The following FHDC1 variants were observed in gnomAD, a reference collection of about 807,000 sequenced individuals.
The protein encoded by FHDC1 is FH2 domain containing 1.
In FHDC1, 25 loss-of-function variants were observed where a neutral mutation model predicts 52.6. The observed-to-expected ratio is 0.48, with a 90% confidence interval of 0.35 to 0.66. FHDC1 has a LOEUF of 0.66. Among genes scored for constraint, FHDC1 ranks in the 30% least tolerant of loss-of-function variants. The pLI is 0.01. For missense variants in FHDC1, 1,459 were observed against 1,452.8 expected, an observed-to-expected ratio of 1.00 and a Z score of -0.07; for synonymous variants, 616 against 581.5, an observed-to-expected ratio of 1.06 and a Z score of -0.85.
At chr4:152,956,509 C>A (rs1459092134) in intron 4 of FHDC1, among the ~76,000 whole-genome samples, 1 of 152,136 alleles carries the variant, frequency 6.6e-6, no homozygotes, top group East Asian at 1.9e-4. Flanking sequence ...GCTGTCAAAC[C>A]TCATATTTAA....
At chr4:152,951,206 G>A (rs1474022828) in intron 2 of FHDC1, among the ~76,000 whole-genome samples, 1 of 152,242 alleles carries the variant, frequency 6.6e-6, no homozygotes. Context: ...TGAACGTGCT[G>A]TGTAACTATA....
chr4:152,939,550 T>C lies in FHDC1; in HGVS notation c.-131+3141T>C, dbSNP rs146999966. 2.4e-3 allele frequency among the ~76,000 whole-genome samples: 361 copies of C among 152,266 alleles called. 2 individuals are homozygous for C. The highest frequency in any genetic ancestry group is 8.2e-3 in the African/African-American group (341 of 41,550). ...CTTTGAAGACCCTTAACGAACGTTC[T>C]AAGATTTTTTGTCTGCCAATTAACT... is the stretch of plus-strand genomic sequence containing the variant. On this transcript the variant is annotated intron_variant, in intron 1 of 11. Transcript: ENST00000511601.
intron 10 of FHDC1, among the ~76,000 whole-genome samples, chr4:152,968,395 G>A (rs563806024): frequency 1.4e-3 from 212 of 151,714 alleles, no homozygotes; most frequent in Admixed American, 0.01. Context: ...GTGCGATCTC[G>A]GCAAACTGCA....
the FHDC1 span, among the ~76,000 whole-genome samples, chr4:152,919,384 GCCTTCAGCT>G: frequency 4.6e-5 from 7 of 152,256 alleles, no homozygotes; most frequent in African/African-American, 1.7e-4. Context: ...GAGGCAGCCA[GCCTTCAGCT>G]CCAGACTGGA....
At chr4:152,941,518 T>C (rs1219177171) in intron 1 of FHDC1, among the ~76,000 whole-genome samples, 2 of 152,218 alleles carry the variant, frequency 1.3e-5, no homozygotes, top group African/African-American at 4.8e-5. Flanking sequence ...AACAAGTATT[T>C]CCTCATATTG....
rs1740414916 is a variant in FHDC1, at chr4:152,964,967, G to T, written c.1092G>T (p.Lys364Asn). 6.2e-7 allele frequency: 1 copy of T among 1,611,026 alleles called. No homozygotes were observed. Among genetic ancestry groups the T allele is most frequent in the Admixed American group, 1.7e-5 (1 of 59,542 alleles). The change falls in exon 9 of 12, where the codon AAG becomes AAT. Residue 364 changes from lysine to asparagine, a missense_variant. This residue lies in a region of FHDC1 where 513 missense variants were observed against 581.5 expected (regional missense o/e 0.88). Coordinates refer to ENST00000511601, the MANE Select transcript of FHDC1 (RefSeq NM_001371116.1). The stretch of plus-strand genomic sequence containing the variant: ...CAGAAAAATTGCATCATGTTCAGAA[G>T]ACTGCTAGGTGAGCAAGTGAATTGT... ...NFSEKLHHVQ[K>N]TARLSLENTE...
At position 152,976,777 on chromosome 4, in the gene FHDC1, T is replaced by G. The variant is rs967696075; in HGVS notation, c.*54T>G. The G allele has an allele frequency of 6.9e-7, 1 of 1,445,052 alleles. No individual in the cohort carries two copies. Among genetic ancestry groups the G allele is most frequent in the East Asian group, 2.5e-5 (1 of 40,142 alleles). The allele number at this position is 1,445,052 out of a possible 1,614,324, so 89.5% of individuals were successfully genotyped here. ...GATTCAGACGGTGAAGACTGACTTC[T>G]GGGACGAGGATGGGGAAAGAGGCAG... On this transcript the variant is annotated 3_prime_UTR_variant, in exon 12 of 12. Transcript: ENST00000511601.
intron 8 of FHDC1, among the ~76,000 whole-genome samples, chr4:152,963,605 G>T (rs1402501878): frequency 6.6e-6 from 1 of 151,866 alleles, no homozygotes; most frequent in East Asian, 1.9e-4. Flanking sequence ...TGGTCATAGG[G>T]ACAGAGAATA....
chr4:152,972,455 T>C lies in FHDC1; in HGVS notation c.1297T>C (p.Phe433Leu). The C allele has an allele frequency of 6.2e-7, 1 of 1,614,042 alleles. No homozygotes were observed. The highest frequency in any genetic ancestry group is 1.1e-5 in the South Asian group (1 of 91,050). ...TGAGGCCTACACCCTTATAGATTTT[T>C]TCTGTGAAGACAAAAAAACCATGAA... ...QDEAYTLIDFFCEDKKTMKLD... is the reference protein window; with the variant it reads ...QDEAYTLIDFLCEDKKTMKLD... Residue 433 changes from phenylalanine to leucine, a missense_variant, in exon 11 of 12, where the codon TTC (phenylalanine) becomes CTC (leucine). This residue lies in a region of FHDC1 where 513 missense variants were observed against 581.5 expected (regional missense o/e 0.88). Coordinates refer to ENST00000511601, the MANE Select transcript of FHDC1 (RefSeq NM_001371116.1).
chr4:152,966,368 G>A (rs2149955886), intron 9 of FHDC1, among the ~76,000 whole-genome samples: 1 of 152,330 alleles, frequency 6.6e-6, no homozygotes, highest in East Asian at 1.9e-4. Context: ...GACAATGGAA[G>A]CATGAATGCA....
upstream of FHDC1, among the ~76,000 whole-genome samples, chr4:152,932,331 T>G (rs1223096359): frequency 1.3e-5 from 2 of 151,890 alleles, no homozygotes; most frequent in African/African-American, 2.4e-5. Flanking sequence ...CACAGCACTT[T>G]GGGAGACTGA....
intron 10 of FHDC1, among the ~76,000 whole-genome samples, chr4:152,971,123 A>C (rs1740624645): frequency 1.3e-5 from 2 of 152,308 alleles, no homozygotes; most frequent in Non-Finnish European, 2.9e-5. Flanking sequence ...TAATCCCAGC[A>C]CTTAGGGAGG....
At chr4:152,951,454 C>T (rs1040576353) in intron 2 of FHDC1, among the ~76,000 whole-genome samples, 4 of 152,076 alleles carry the variant, frequency 2.6e-5, no homozygotes, top group Non-Finnish European at 5.9e-5. Flanking sequence ...GAGTTTTTAC[C>T]TTATGGCTGG....
rs769371392 is a variant in FHDC1 at position 152,976,646 on chromosome 4, G to A, written c.3355G>A (p.Gly1119Arg). Residue 1119 changes from glycine to arginine, a missense_variant, in exon 12 of 12, where the codon GGG (glycine) becomes AGG (arginine). Coordinates refer to ENST00000511601, the MANE Select transcript of FHDC1 (RefSeq NM_001371116.1). ...GGCCCCTCTGAAGGCCAGAGGGGCT[G>A]GGGAAAGGGCCTCCCTCCGTCGGAA... ...TEAPLKARGA[G>R]ERASLRRKDS... The A allele has an allele frequency of 2.5e-6, 4 of 1,595,510 alleles. No individual in the cohort carries two copies. The Admixed American group carries it at 7.0e-5, about 28-fold the overall frequency.
At chr4:152,939,941 A>G (rs1206181274) in intron 1 of FHDC1, among the ~76,000 whole-genome samples, 1 of 152,182 alleles carries the variant, frequency 6.6e-6, no homozygotes, top group African/African-American at 2.4e-5. Context: ...CCCTACTGGC[A>G]GTTGTCAGCT....
In FHDC1 at chr4:152,977,069, C is replaced by T. The variant is rs1408518857; in HGVS notation, c.*346C>T. On this transcript the variant is annotated 3_prime_UTR_variant, in exon 12 of 12. Coordinates refer to ENST00000511601, the MANE Select transcript of FHDC1 (RefSeq NM_001371116.1). ...CAAGTCAAAAAAGTTTTTTTCAGGC[C>T]AGTTTTTATATATCAAAGACTTTCT... 3 of 189,662 alleles carry T rather than the reference C, an allele frequency of 1.6e-5. No homozygotes were observed. Among genetic ancestry groups the T allele is most frequent in the African/African-American group, 2.3e-5 (1 of 42,676 alleles). The allele number at this position is 189,662 out of a possible 1,614,324, so 11.7% of individuals were successfully genotyped here.
upstream of FHDC1, among the ~76,000 whole-genome samples, chr4:152,936,053 C>T (rs1739360580): frequency 2.0e-5 from 3 of 152,158 alleles, no homozygotes; most frequent in South Asian, 6.2e-4. Context: ...CTCGGTGGCC[C>T]CCGGCCTAGC....
the FHDC1 span, chr4:152,927,729 G>A: frequency 1.2e-5 from 18 of 1,475,284 alleles, no homozygotes; most frequent in Admixed American, 1.0e-4. Context: ...GAGGTTTCTC[G>A]ACAGCAGGAA....
chr4:152,926,297 CACACACAA>C, the FHDC1 span, among the ~76,000 whole-genome samples: 2 of 150,004 alleles, frequency 1.3e-5, no homozygotes, highest in African/African-American at 4.9e-5. Flanking sequence ...CACACACACA[CACACACAA>C]ACAATACACA....
Sources: allele counts gnomAD v4.1 joint callset (sites outside exome capture counted in the v4.1 genomes callset), GRCh38; gene constraint gnomAD v4.1.1; regional missense constraint gnomAD v4.1.1; transcripts MANE v1.5; gene names NCBI Gene and HGNC (gene_info 2026-07-23, HGNC 2026-07-21).